Variants in SCHIP1 observed in about 807,000 individuals in gnomAD.
The protein encoded by SCHIP1 is schwannomin interacting protein 1, also known as schwannomin-interacting protein 1.
SCHIP1 carries 8 observed loss-of-function variants against 29.7 expected under a neutral mutation model. The ratio of observed to expected loss-of-function variants is 0.27; its 90% CI spans 0.16 to 0.49. SCHIP1 has a LOEUF of 0.49. Among genes scored for constraint, SCHIP1 ranks in the 20% least tolerant of loss-of-function variants. The pLI, the probability that SCHIP1 is intolerant of heterozygous loss-of-function variation, is 0.99. For missense variants in SCHIP1, 193 were observed against 294.6 expected, an observed-to-expected ratio of 0.66 and a Z score of 2.52; for synonymous variants, 76 against 94.9, an observed-to-expected ratio of 0.80 and a Z score of 1.16.
At chr3:159,595,200 T>C in the SCHIP1 span, among the ~76,000 whole-genome samples, 6 of 152,292 alleles carry the variant, frequency 3.9e-5, no homozygotes, top group Admixed American at 1.3e-4. Flanking sequence ...GCAACTCTCA[T>C]GCCTACTGAG....
At chr3:159,321,028 G>A in the SCHIP1 span, among the ~76,000 whole-genome samples, 1 of 152,086 alleles carries the variant, frequency 6.6e-6, no homozygotes. Context: ...GCAGTGGCAC[G>A]ATCTCAGCTC....
intron 1 of SCHIP1, among the ~76,000 whole-genome samples, chr3:159,862,316 A>G (rs1714146328): frequency 6.6e-6 from 1 of 152,184 alleles, no homozygotes; most frequent in African/African-American, 2.4e-5. Context: ...GGTATTAGGA[A>G]GCATGGACTT....
At chr3:159,458,568 T>C in the SCHIP1 span, among the ~76,000 whole-genome samples, 7 of 151,880 alleles carry the variant, frequency 4.6e-5, no homozygotes, top group Admixed American at 4.6e-4. Context: ...ACTTTTCTTT[T>C]TTTTTTTTTT....
intron 2 of SCHIP1, among the ~76,000 whole-genome samples, chr3:159,866,874 T>C (rs922961731): frequency 6.6e-6 from 1 of 152,176 alleles, no homozygotes; most frequent in African/African-American, 2.4e-5. Flanking sequence ...GATATTTAAA[T>C]TATAATTTTA....
the SCHIP1 span, among the ~76,000 whole-genome samples, chr3:159,516,543 C>G: frequency 2.2e-4 from 34 of 152,220 alleles, no homozygotes; most frequent in African/African-American, 8.2e-4. Flanking sequence ...ACATTTTTCT[C>G]TCTTCTCCCC....
chr3:159,486,933 A>G, the SCHIP1 span, among the ~76,000 whole-genome samples: 1 of 152,248 alleles, frequency 6.6e-6, no homozygotes, highest in Non-Finnish European at 1.5e-5. Flanking sequence ...GTTGCCTCAA[A>G]TAAAATTAGG....
the SCHIP1 span, among the ~76,000 whole-genome samples, chr3:159,336,157 T>G: frequency 2.6e-5 from 4 of 152,262 alleles, no homozygotes. Context: ...GAGAAGTGTC[T>G]GTTCATATCC....
At chr3:159,540,780 T>C in the SCHIP1 span, among the ~76,000 whole-genome samples, 1 of 152,144 alleles carries the variant, frequency 6.6e-6, no homozygotes, top group Non-Finnish European at 1.5e-5. Flanking sequence ...TTTAATTTTC[T>C]CTTAATTTCT....
chr3:159,432,323 TGTGTGTGTGTGTGTGTGAGAGA>T, the SCHIP1 span, among the ~76,000 whole-genome samples: 2 of 103,806 alleles, frequency 1.9e-5, no homozygotes, highest in African/African-American at 6.3e-5. Context: ...TGTGTGTGTG[TGTGTGTGTGTGTGTGTGAGAGA>T]GAGAGAGAGA....
At chr3:159,855,954 A>G (rs79102607) in intron 1 of SCHIP1, among the ~76,000 whole-genome samples, 20 of 152,360 alleles carry the variant, frequency 1.3e-4, no homozygotes, top group African/African-American at 4.8e-4. Flanking sequence ...TGACTGTAAG[A>G]AAGATGTTTC....
chr3:159,517,785 T>C, the SCHIP1 span, among the ~76,000 whole-genome samples: 1 of 152,066 alleles, frequency 6.6e-6, no homozygotes, highest in South Asian at 2.1e-4. Flanking sequence ...CTGATTAACA[T>C]TCAGTGAAGC....
At chr3:159,404,667 C>T in the SCHIP1 span, among the ~76,000 whole-genome samples, 1 of 152,214 alleles carries the variant, frequency 6.6e-6, no homozygotes, top group Non-Finnish European at 1.5e-5. Context: ...CAGGCCCTAG[C>T]TCCCAGACAG....
the SCHIP1 span, among the ~76,000 whole-genome samples, chr3:159,815,908 A>G: frequency 8.6e-4 from 129 of 150,788 alleles, no homozygotes; most frequent in South Asian, 0.027. Context: ...TGTCACCTCA[A>G]CCTCAACATA....
the SCHIP1 span, among the ~76,000 whole-genome samples, chr3:159,698,852 G>A: frequency 6.6e-6 from 1 of 151,950 alleles, no homozygotes; most frequent in Non-Finnish European, 1.5e-5. Context: ...CTCCATGTTG[G>A]CCAGGCTGGT....
the SCHIP1 span, among the ~76,000 whole-genome samples, chr3:159,656,173 T>C: frequency 6.6e-6 from 1 of 152,164 alleles, no homozygotes; most frequent in African/African-American, 2.4e-5. Context: ...GGATGGAATT[T>C]ACATTAAATG....
At chr3:159,493,694 A>G in the SCHIP1 span, among the ~76,000 whole-genome samples, 80,249 of 149,690 alleles carry the variant, frequency 0.54, 21,833 homozygotes, top group East Asian at 0.71. Context: ...ACAGATCAAC[A>G]AGACAGAAAG....
chr3:159,648,680 C>T, the SCHIP1 span, among the ~76,000 whole-genome samples: 8 of 152,096 alleles, frequency 5.3e-5, no homozygotes, highest in African/African-American at 1.7e-4. Context: ...GAGTTGACCC[C>T]AGTGGACAAC....
chr3:159,883,150 A>G (rs1342131172), intron 2 of SCHIP1, among the ~76,000 whole-genome samples: 2 of 152,248 alleles, frequency 1.3e-5, no homozygotes, highest in East Asian at 3.8e-4. Context: ...GCTGACTTCC[A>G]GCAGCCTTTG....
the SCHIP1 span, among the ~76,000 whole-genome samples, chr3:159,316,566 C>T: frequency 2.0e-5 from 3 of 152,176 alleles, no homozygotes; most frequent in African/African-American, 7.2e-5. Flanking sequence ...CAAGTTGACA[C>T]TCAGTATTAA....
Sources: allele counts gnomAD v4.1 joint callset (sites outside exome capture counted in the v4.1 genomes callset), GRCh38; gene constraint gnomAD v4.1.1; transcripts MANE v1.5; gene names NCBI Gene and HGNC (gene_info 2026-07-23, HGNC 2026-07-21).